Variants in NBEA observed in about 807,000 individuals in gnomAD.
NBEA encodes the protein neurobeachin, also known as lysosomal-trafficking regulator 2.
Under a neutral mutation model 343.4 loss-of-function variants are expected in NBEA, and 44 were observed. The ratio of observed to expected loss-of-function variants is 0.13; its 90% CI spans 0.10 to 0.16. The LOEUF (loss-of-function observed/expected upper bound fraction) is 0.16. Among genes scored for constraint, NBEA ranks in the 10% least tolerant of loss-of-function variants. The probability of loss-of-function intolerance (pLI) is 1.00; values close to 1 mark genes in which losing one functional copy is unlikely to be tolerated. For missense variants in NBEA, 2,555 were observed against 3,631.3 expected, an observed-to-expected ratio of 0.70 and a Z score of 7.62; for synonymous variants, 1,175 against 1,238.7, an observed-to-expected ratio of 0.95 and a Z score of 1.08.
At chr13:35,422,542 C>T (rs961346455) in intron 38 of NBEA, among the ~76,000 whole-genome samples, 2 of 152,194 alleles carry the variant, frequency 1.3e-5, no homozygotes, top group Admixed American at 1.3e-4. Flanking sequence ...TTAATCCAGT[C>T]TATCGTTGTT....
chr13:35,439,967 C>CCT lies in NBEA; in HGVS notation c.6304+7576_6304+7577dup, dbSNP rs1236647636. Among the ~76,000 whole-genome samples, 2 of 152,178 alleles carry CCT rather than the reference C, an allele frequency of 1.3e-5. 1 individual carries two copies. Among genetic ancestry groups the CCT allele is most frequent in the Non-Finnish European group, 2.9e-5 (2 of 68,036 alleles). ...CGATCTTGGCTCACTGCAACCGCCACCTCCCAGGTTCAAGCGATTCTCCCA... is the reference window on the plus strand; with the variant it reads ...CGATCTTGGCTCACTGCAACCGCCACCTCTCCCAGGTTCAAGCGATTCTCCCA... On this transcript the variant is annotated intron_variant, in intron 39 of 58. Coordinates refer to ENST00000379939, the MANE Select transcript of NBEA (RefSeq NM_001385012.1).
At chr13:35,348,948 T>TA (rs1471473951) in intron 36 of NBEA, among the ~76,000 whole-genome samples, 160 bp from the exon 37 acceptor site, 6 of 152,086 alleles carry the variant, frequency 3.9e-5, no homozygotes, top group African/African-American at 1.4e-4. Context: ...TCTTTCTATA[T>TA]TTCACATTTT....
intron 38 of NBEA, among the ~76,000 whole-genome samples, chr13:35,365,758 G>T (rs886276698): frequency 1.2e-4 from 18 of 151,590 alleles, no homozygotes; most frequent in African/African-American, 4.1e-4. Flanking sequence ...TGTTAAAAAG[G>T]TTTAGAAATT....
intron 10 of NBEA, among the ~76,000 whole-genome samples, chr13:35,079,368 G>A (rs1031339661): frequency 2.0e-4 from 30 of 152,076 alleles, no homozygotes; most frequent in African/African-American, 6.8e-4. Flanking sequence ...GAAAACAAGG[G>A]AATGGGAATA....
At chr13:35,139,866 C>T (rs2067992868) in intron 17 of NBEA, among the ~76,000 whole-genome samples, 1 of 147,542 alleles carries the variant, frequency 6.8e-6, no homozygotes, top group Non-Finnish European at 1.5e-5. Flanking sequence ...GTGGTGTATG[C>T]ACAGCATCTT....
intron 6 of NBEA, among the ~76,000 whole-genome samples, chr13:35,053,545 C>T (rs577262238): frequency 6.6e-6 from 1 of 152,066 alleles, no homozygotes. Context: ...TAGATACTCT[C>T]TATTCTCATA....
chr13:34,993,434 A>G lies in NBEA; in HGVS notation c.295-47499A>G, dbSNP rs74595430. Reference sequence around the variant, plus strand: ...ATTCACTGGTATATTTTCTGCATCTATTACAGACCTTTGCATATAGTAGAT... The same window carrying G: ...ATTCACTGGTATATTTTCTGCATCTGTTACAGACCTTTGCATATAGTAGAT... On this transcript the variant is annotated intron_variant, in intron 1 of 58. Transcript: ENST00000379939. 4.7e-4 allele frequency among the ~76,000 whole-genome samples: 72 copies of G among 152,358 alleles called. 2 individuals carry two copies. In the East Asian group the frequency reaches 0.013, roughly 28 times the overall value.
At chr13:35,163,039 C>A (rs561150014) in intron 23 of NBEA, among the ~76,000 whole-genome samples, 1 of 151,962 alleles carries the variant, frequency 6.6e-6, no homozygotes, top group Admixed American at 6.6e-5. Flanking sequence ...AACATGAAGA[C>A]CAATGTATGG....
At chr13:34,989,107 TATTATTTTA>T (rs2060659591) in intron 1 of NBEA, among the ~76,000 whole-genome samples, 1 of 151,044 alleles carries the variant, frequency 6.6e-6, no homozygotes, top group Non-Finnish European at 1.5e-5. Flanking sequence ...CTCCCTGCAT[TATTATTTTA>T]ATGATTCTTC....
chr13:35,494,040 A>T (rs996637712), intron 41 of NBEA, among the ~76,000 whole-genome samples: 5 of 151,956 alleles, frequency 3.3e-5, no homozygotes, highest in Non-Finnish European at 7.4e-5. Flanking sequence ...AAATATTTTT[A>T]AAAACAACTC....
In NBEA at chr13:34,954,733, A is replaced by C. The variant is rs146974012; in HGVS notation, c.294+11619A>C. On this transcript the variant is annotated intron_variant, in intron 1 of 58. Coordinates refer to ENST00000379939, the MANE Select transcript of NBEA (RefSeq NM_001385012.1). The stretch of plus-strand genomic sequence containing the variant: ...AATGAATATCTTCTCATATACTTCA[A>C]ATCATCTCCAGATTACTTATAATAC... Among the ~76,000 whole-genome samples, 209 of 152,312 alleles carry C rather than the reference A, an allele frequency of 1.4e-3. 3 individuals are homozygous for C. The highest frequency in any genetic ancestry group is 7.2e-4 in the Admixed American group (11 of 15,306).
chr13:34,981,360 C>A (rs2060349844), intron 1 of NBEA, among the ~76,000 whole-genome samples: 1 of 152,156 alleles, frequency 6.6e-6, no homozygotes, highest in Non-Finnish European at 1.5e-5. Context: ...ACATTTGCAT[C>A]TAAGTCTTCA....
chr13:35,390,669 A>G (rs1555250201), intron 38 of NBEA, among the ~76,000 whole-genome samples: 1 of 152,168 alleles, frequency 6.6e-6, no homozygotes, highest in Non-Finnish European at 1.5e-5. Flanking sequence ...CTTTCTGAAA[A>G]CAAAAATCAG....
intron 17 of NBEA, among the ~76,000 whole-genome samples, chr13:35,124,751 TA>T (rs2067017465): frequency 6.6e-6 from 1 of 150,650 alleles, no homozygotes; most frequent in African/African-American, 2.5e-5. Context: ...TATACACACA[TA>T]TGTATGGATA....
At chr13:35,631,075 G>A (rs930892607) in intron 49 of NBEA, among the ~76,000 whole-genome samples, 3 of 152,184 alleles carry the variant, frequency 2.0e-5, no homozygotes, top group Non-Finnish European at 2.9e-5. Context: ...TCCAAAGGAC[G>A]AGAGCCCACC....
At chr13:35,068,675 T>C (rs941491447) in intron 8 of NBEA, among the ~76,000 whole-genome samples, 2 of 152,118 alleles carry the variant, frequency 1.3e-5, no homozygotes, top group African/African-American at 4.8e-5. Context: ...ATGGTTTGCA[T>C]CCAGTTTTCT....
intron 36 of NBEA, among the ~76,000 whole-genome samples, chr13:35,322,504 A>G (rs550185693): frequency 6.6e-6 from 1 of 152,294 alleles, no homozygotes; most frequent in East Asian, 1.9e-4. Context: ...TTGGAAATGC[A>G]GAAATCAACC....
At chr13:34,945,290 T>C (rs1030963168) in intron 1 of NBEA, among the ~76,000 whole-genome samples, 2 of 152,154 alleles carry the variant, frequency 1.3e-5, no homozygotes, top group Non-Finnish European at 2.9e-5. Context: ...TGTTTATTAC[T>C]AAGTTGTTAA....
At chr13:35,540,285 T>C (rs1165187145) in intron 41 of NBEA, among the ~76,000 whole-genome samples, 1 of 151,962 alleles carries the variant, frequency 6.6e-6, no homozygotes, top group Non-Finnish European at 1.5e-5. Context: ...TATAACTAGT[T>C]TAAAAAATTA....
Sources: allele counts gnomAD v4.1 joint callset (sites outside exome capture counted in the v4.1 genomes callset), GRCh38; gene constraint gnomAD v4.1.1; transcripts MANE v1.5; gene names NCBI Gene and HGNC (gene_info 2026-07-23, HGNC 2026-07-21).